Variants in TMPRSS9 observed in about 807,000 individuals in gnomAD.
TMPRSS9 encodes transmembrane protease serine 9.
Under a neutral mutation model 111.4 loss-of-function variants are expected in TMPRSS9, and 113 were observed. That is an observed-to-expected ratio of 1.01 (90% CI 0.87 to 1.19). The LOEUF (loss-of-function observed/expected upper bound fraction) is 1.19, where lower values mean the gene tolerates loss of function less well. Among genes scored for constraint, TMPRSS9 ranks in the 50% most tolerant of loss-of-function variants. The pLI is 0.00. For synonymous variants in TMPRSS9, 805 were observed against 659.1 expected (o/e 1.22, Z -3.39); for missense variants, 1,803 against 1,513.1 (o/e 1.19, Z -3.18).
chr19:2,361,380 TG>T (rs1299489801), intron 1 of TMPRSS9, among the ~76,000 whole-genome samples: 2 of 1,850 alleles, frequency 1.1e-3, no homozygotes, highest in East Asian at 0.043. Context: ...GAGGGGGGGC[TG>T]GGGTGGGAGG....
chr19:2,422,033 C>T (rs773034597), exon 14 of TMPRSS9: 9 of 1,612,922 alleles, frequency 5.6e-6, no homozygotes, highest in Non-Finnish European at 7.6e-6. Context: ...CCATGTCTCC[C>T]CCCTCGACCA....
chr19:2,406,328 A>AT (rs1970970131), intron 7 of TMPRSS9, among the ~76,000 whole-genome samples: 1 of 124,078 alleles, frequency 8.1e-6, no homozygotes, highest in South Asian at 2.5e-4. Flanking sequence ...TCTTTATTTT[A>AT]TTTTATTTTT....
intron 1 of TMPRSS9, among the ~76,000 whole-genome samples, chr19:2,370,526 C>T (rs556807186): frequency 3.8e-4 from 57 of 151,926 alleles, no homozygotes; most frequent in African/African-American, 1.1e-3. Flanking sequence ...ATGGGGGTCT[C>T]GCTATGTTCC....
chr19:2,421,707 C>A, intron 13 of TMPRSS9, 147 bp from the exon 15 acceptor site: 1 of 720,274 alleles, frequency 1.4e-6, no homozygotes, highest in Non-Finnish European at 2.2e-6. Flanking sequence ...AGGCATGGGG[C>A]TGCAGTCAGG....
chr19:2,425,156 C>T, exon 16 of TMPRSS9: 1 of 1,571,914 alleles, frequency 6.4e-7, no homozygotes, highest in Non-Finnish European at 8.6e-7. Context: ...GCTGGCGGGG[C>T]CGGTGCGTCG....
chr19:2,387,840 A>G (rs1483304832), upstream of TMPRSS9, among the ~76,000 whole-genome samples: 1 of 152,114 alleles, frequency 6.6e-6, no homozygotes, highest in Non-Finnish European at 1.5e-5. Flanking sequence ...TGTGTGTCGC[A>G]GGGATGATGT....
At chr19:2,382,850 C>T (rs1970403281) in intron 1 of TMPRSS9, among the ~76,000 whole-genome samples, 1 of 152,230 alleles carries the variant, frequency 6.6e-6, no homozygotes, top group Non-Finnish European at 1.5e-5. Context: ...AGGGATTTGG[C>T]TCATACCATT....
In TMPRSS9 at chr19:2,413,690, G is replaced by C. The variant is rs758199650; in HGVS notation, c.1255-10G>C. 15 of 1,592,952 alleles carry C rather than the reference G, an allele frequency of 9.4e-6. No homozygotes were observed. Among genetic ancestry groups the C allele is most frequent in the African/African-American group, 2.7e-5 (2 of 74,552 alleles). On this transcript the variant is annotated splice_polypyrimidine_tract_variant and intron_variant, in intron 9 of 17. Coordinates refer to ENST00000648592, the Ensembl canonical transcript of TMPRSS9. ...CCGACCCATCCTGAGGGTGTGTGTTGGTTTCCTAGGGTGACTCAGGAGGAC... is the reference window on the plus strand; with the variant it reads ...CCGACCCATCCTGAGGGTGTGTGTTCGTTTCCTAGGGTGACTCAGGAGGAC...
At chr19:2,390,013 C>A in intron 1 of TMPRSS9, 86 bp downstream of exon 2, 3 of 1,513,554 alleles carry the variant, frequency 2.0e-6, no homozygotes, top group South Asian at 2.5e-5. Context: ...GTCTCCTTGG[C>A]CATCTGGAAT....
intron 1 of TMPRSS9, among the ~76,000 whole-genome samples, chr19:2,392,759 A>G (rs1970625432): frequency 6.6e-6 from 1 of 152,176 alleles, no homozygotes; most frequent in African/African-American, 2.4e-5. Context: ...CAAGGTTTAT[A>G]AACACACCAA....
At chr19:2,425,086 C>T (rs1971578162) in exon 16 of TMPRSS9, 4 of 1,579,836 alleles carry the variant, frequency 2.5e-6, no homozygotes, top group Admixed American at 1.7e-5. Context: ...GCGTGGCGCG[C>T]ATCTACAAGC....
intron 12 of TMPRSS9, 104 bp from the exon 14 acceptor site, chr19:2,417,898 T>G (rs562192940): frequency 1.4e-6 from 2 of 1,463,142 alleles, no homozygotes; most frequent in African/African-American, 1.4e-5. Context: ...GGTTTCTTCG[T>G]CTGTGGGGTG....
At position 2,417,935 on chromosome 19, in the gene TMPRSS9, C is replaced by T. The variant is rs144934932; in HGVS notation, c.2018-67C>T. The T allele has an allele frequency of 6.4e-4, 1,025 of 1,591,520 alleles. 6 individuals are homozygous for T. The East Asian group carries it at 0.015, about 23-fold the overall frequency. ...GGATGCTGCATCTCGGGGCTGTTATCGGAGCGGAACTGGAGCTGCTCTGAT... is the reference window on the plus strand; with the variant it reads ...GGATGCTGCATCTCGGGGCTGTTATTGGAGCGGAACTGGAGCTGCTCTGAT... On this transcript the variant is annotated intron_variant, in intron 12 of 17. Coordinates refer to ENST00000648592, the Ensembl canonical transcript of TMPRSS9.
At chr19:2,379,955 C>T (rs1418440210) in intron 1 of TMPRSS9, among the ~76,000 whole-genome samples, 1 of 151,728 alleles carries the variant, frequency 6.6e-6, no homozygotes, top group African/African-American at 2.4e-5. Flanking sequence ...TATTATGTTG[C>T]CCAAGCTGGT....
exon 18 of TMPRSS9, chr19:2,426,050 G>A (rs757317254): frequency 3.1e-6 from 5 of 1,609,594 alleles, no homozygotes; most frequent in Non-Finnish European, 4.2e-6. Flanking sequence ...CCGGGTGGCA[G>A]CTGTGAGAGG....
Position 2,401,989 on chromosome 19 carries a change from C to T in TMPRSS9, c.529C>T (p.Pro177Ser), listed in dbSNP as rs765850574. 7 of 1,611,546 alleles carry T rather than the reference C, an allele frequency of 4.3e-6. No individual in the cohort carries two copies. The Admixed American group carries it at 6.7e-5, about 15-fold the overall frequency. ...TTTTGTTGCAGGGAGACATAAGGGA[C>T]CCTTGGCAGAAAGAGACTTCAAATC... is the stretch of plus-strand genomic sequence containing the variant. The change falls in exon 5 of 18, where the codon CCC becomes TCC. Residue 177 changes from proline (P) to serine (S), a missense_variant. Coordinates refer to ENST00000648592, the Ensembl canonical transcript of TMPRSS9.
intron 9 of TMPRSS9, 101 bp downstream of exon 10, chr19:2,410,495 C>T: frequency 6.9e-7 from 1 of 1,457,096 alleles, no homozygotes; most frequent in Non-Finnish European, 9.2e-7. Context: ...CGCTGTGAGC[C>T]CCCAACGCCC....
In TMPRSS9 at chr19:2,426,020, C is replaced by G. The variant is rs138271458; in HGVS notation, c.3214C>G (p.His1072Asp). ...CTGGGGCTATGGCTGTGGCCGGCCCCACTTCCCAGGTGTCTATACCCGGGT... is the reference window on the plus strand; with the variant it reads ...CTGGGGCTATGGCTGTGGCCGGCCCGACTTCCCAGGTGTCTATACCCGGGT... The change falls in exon 18 of 18, where the codon CAC becomes GAC. Residue 1072 changes from histidine (H) to aspartate (D), a missense_variant. By Grantham distance (81) the His-to-Asp change is moderately conservative. Transcript: ENST00000648592. The G allele has an allele frequency of 1.7e-5, 27 of 1,607,930 alleles. No homozygotes were observed. The highest frequency in any genetic ancestry group is 2.2e-5 in the Non-Finnish European group (26 of 1,178,010).
rs539702211 is a variant in TMPRSS9 at position 2,419,841 on chromosome 19, A to G, written c.2154+1703A>G. Among the ~76,000 whole-genome samples, 7 of 152,242 alleles carry G rather than the reference A, an allele frequency of 4.6e-5. No individual in the cohort carries two copies. In the East Asian group the frequency reaches 7.7e-4, roughly 17 times the overall value. ...CATAGCCACCATGCCCAGATTTCTG[A>G]AGGGCTCAACCGTGCACACACAGAC... On this transcript the variant is annotated intron_variant, in intron 13 of 17. Transcript: ENST00000648592.
Sources: allele counts gnomAD v4.1 joint callset (sites outside exome capture counted in the v4.1 genomes callset), GRCh38; gene constraint gnomAD v4.1.1; transcripts MANE v1.5; gene names NCBI Gene and HGNC (gene_info 2026-07-23, HGNC 2026-07-21).